The following GFRA1 variants were observed in gnomAD, a reference collection of about 807,000 sequenced individuals.
GFRA1 encodes GDNF family receptor alpha 1, also known as GDNF family receptor alpha-1.
In GFRA1, 16 loss-of-function variants were observed where a neutral mutation model predicts 51.6. That is an observed-to-expected ratio of 0.31 (90% CI 0.21 to 0.47). GFRA1 has a LOEUF of 0.47. Among genes scored for constraint, GFRA1 ranks in the 20% least tolerant of loss-of-function variants. GFRA1 has a pLI of 1.00. For missense variants in GFRA1, 530 were observed against 594.3 expected (o/e 0.89, Z 1.13); for synonymous variants, 270 against 241.3 (o/e 1.12, Z -1.10).
At chr10:116,265,571 T>C (rs1018236855) in intron 4 of GFRA1, among the ~76,000 whole-genome samples, 1 of 152,198 alleles carries the variant, frequency 6.6e-6, no homozygotes, top group Non-Finnish European at 1.5e-5. Context: ...TCCTTTCAAA[T>C]CCCTGTTTAC....
At chr10:116,254,517 AAAG>A (rs1384943203) in intron 4 of GFRA1, among the ~76,000 whole-genome samples, 195 of 151,476 alleles carry the variant, frequency 1.3e-3, no homozygotes, top group African/African-American at 4.5e-3. Context: ...TTAAAAAAAA[AAAG>A]AAGAAGAAAA....
chr10:116,231,073 T>C (rs971500873), intron 4 of GFRA1, among the ~76,000 whole-genome samples: 23 of 152,290 alleles, frequency 1.5e-4, no homozygotes, highest in African/African-American at 5.5e-4. Flanking sequence ...AAAACATTAC[T>C]ACATCTTTTG....
chr10:116,176,726 CTCCTTCCTTCCTTCCT>C (rs66897810), intron 5 of GFRA1, among the ~76,000 whole-genome samples: 1 of 130,528 alleles, frequency 7.7e-6, no homozygotes, highest in Non-Finnish European at 1.6e-5. Flanking sequence ...CCCTCCCTCC[CTCCTTCCTTCCTTCCT>C]TCCTTCCTTC....
At chr10:116,127,136 G>T (rs1957912904) in intron 5 of GFRA1, among the ~76,000 whole-genome samples, 1 of 151,900 alleles carries the variant, frequency 6.6e-6, no homozygotes, top group Middle Eastern at 3.2e-3. Flanking sequence ...TCTTCAAAGG[G>T]AATAAAGTTT....
In GFRA1 at chr10:116,271,036, C is replaced by A; in HGVS notation, c.120G>T (p.Gln40His). Residue 40 changes from glutamine (Q) to histidine (H), a missense_variant, in exon 3 of 11, where the codon CAG becomes CAT. Transcript: ENST00000355422. ...VKASDQCLKE[Q>H]SCSTKYRTLR... ...GCGTGCGGTACTTGGTGCTGCAGCT[C>A]TGCTCCTTCAGGCACTGATCACTGG... 1 of 1,614,206 alleles carries A rather than the reference C, an allele frequency of 6.2e-7. No homozygotes were observed. The highest frequency in any genetic ancestry group is 8.5e-7 in the Non-Finnish European group (1 of 1,180,026).
At chr10:116,100,630 C>G (rs1269206119) in intron 6 of GFRA1, among the ~76,000 whole-genome samples, 3 of 152,104 alleles carry the variant, frequency 2.0e-5, no homozygotes, top group Non-Finnish European at 4.4e-5. Flanking sequence ...ATTTTAAACC[C>G]GAGAAGTAAC....
chr10:116,069,742 C>T (rs1339133565), intron 9 of GFRA1, among the ~76,000 whole-genome samples: 1 of 152,180 alleles, frequency 6.6e-6, no homozygotes, highest in Non-Finnish European at 1.5e-5. Flanking sequence ...GGAAAGCCTG[C>T]CGTGGTGCCA....
chr10:116,220,410 G>T (rs915138073), intron 4 of GFRA1, among the ~76,000 whole-genome samples: 1 of 152,156 alleles, frequency 6.6e-6, no homozygotes, highest in Non-Finnish European at 1.5e-5. Context: ...GTTTTAATCA[G>T]GTTGGTTACC....
chr10:116,076,254 C>T (rs574646228), intron 9 of GFRA1, among the ~76,000 whole-genome samples: 1 of 152,234 alleles, frequency 6.6e-6, no homozygotes, highest in East Asian at 1.9e-4. Flanking sequence ...TGTCTGAAGG[C>T]AGCAAGAATG....
intron 4 of GFRA1, among the ~76,000 whole-genome samples, chr10:116,231,247 C>A (rs1338534124): frequency 6.6e-6 from 1 of 152,046 alleles, no homozygotes; most frequent in Non-Finnish European, 1.5e-5. Context: ...TGACTTTGTC[C>A]CAGGAGTCAG....
chr10:116,269,378 C>T (rs1345466052), intron 4 of GFRA1, 125 bp downstream of exon 4: 4 of 722,172 alleles, frequency 5.5e-6, no homozygotes, highest in African/African-American at 5.2e-5. Context: ...CATCCTATTT[C>T]TAATTTCCCA....
At chr10:116,072,018 T>C (rs1955419359) in intron 9 of GFRA1, among the ~76,000 whole-genome samples, 1 of 152,130 alleles carries the variant, frequency 6.6e-6, no homozygotes, top group Non-Finnish European at 1.5e-5. Flanking sequence ...TTCCTGTGTT[T>C]GTATAATTGC....
intron 5 of GFRA1, among the ~76,000 whole-genome samples, chr10:116,199,786 T>C (rs1939324773): frequency 6.6e-6 from 1 of 152,212 alleles, no homozygotes; most frequent in African/African-American, 2.4e-5. Flanking sequence ...CGCTGAGTTT[T>C]GACAAATGTA....
Position 116,090,499 on chromosome 10 carries a change from TA to T in GFRA1, c.1016-578del, listed in dbSNP as rs1183831904. On this transcript the variant is annotated intron_variant, in intron 8 of 10. Transcript: ENST00000355422. ...TATCTAGTGAAAATTTAAGTAAGAT[TA>T]TTTTTTTTCTTTCTGCTCCAGTCTT... Among the ~76,000 whole-genome samples the T allele has an allele frequency of 4.6e-5, 7 of 150,858 alleles. No individual in the cohort carries two copies. The East Asian group carries it at 5.8e-4, about 13-fold the overall frequency.
At chr10:116,239,492 A>C (rs1276478396) in intron 4 of GFRA1, among the ~76,000 whole-genome samples, 1 of 152,204 alleles carries the variant, frequency 6.6e-6, no homozygotes, top group African/African-American at 2.4e-5. Flanking sequence ...CTAATGAGTT[A>C]TTGTTATTCT....
chr10:116,104,169 C>A (rs557467684), intron 6 of GFRA1, among the ~76,000 whole-genome samples: 6 of 152,216 alleles, frequency 3.9e-5, no homozygotes, highest in Non-Finnish European at 8.8e-5. Context: ...AACTGATGTG[C>A]GTATGGCAGT....
chr10:116,225,519 G>A (rs1242690965), intron 4 of GFRA1, among the ~76,000 whole-genome samples: 1 of 104,322 alleles, frequency 9.6e-6, no homozygotes, highest in African/African-American at 3.8e-5. Context: ...TGGCGACAGA[G>A]CAAGAGTCTG....
intron 9 of GFRA1, among the ~76,000 whole-genome samples, chr10:116,066,726 C>G (rs1004222060): frequency 3.3e-5 from 5 of 152,182 alleles, no homozygotes; most frequent in Non-Finnish European, 7.3e-5. Context: ...TCCCCAAAAT[C>G]CACACAAAGA....
intron 6 of GFRA1, among the ~76,000 whole-genome samples, chr10:116,120,410 ATAAT>A (rs937458557): frequency 7.9e-5 from 12 of 152,076 alleles, no homozygotes; most frequent in African/African-American, 2.7e-4. Context: ...GTCTCTAAAA[ATAAT>A]TAATTAATTA....
Sources: gnomAD v4.1 joint callset for allele counts (sites outside exome capture counted in the v4.1 genomes callset) on GRCh38, gnomAD v4.1.1 for gene constraint, MANE v1.5 for transcripts, NCBI Gene and HGNC (gene_info 2026-07-23, HGNC 2026-07-21) for gene names.